PTPRG: variants seen among roughly 807,000 people sequenced by gnomAD.
The protein encoded by PTPRG is receptor-type tyrosine-protein phosphatase gamma.
A neutral mutation model predicts 165.3 loss-of-function variants in PTPRG; 102 were observed. That is an observed-to-expected ratio of 0.62 (90% CI 0.53 to 0.73). The LOEUF is 0.73. Ranked by LOEUF, PTPRG falls within the 30% of genes least tolerant of loss-of-function variation. The pLI is 0.00. For missense variants in PTPRG, 1,866 were observed against 1,861.4 expected (o/e 1.00, Z -0.05); for synonymous variants, 675 against 669.5 (o/e 1.01, Z -0.13).
intron 3 of PTPRG, among the ~76,000 whole-genome samples, chr3:61,994,015 A>G (rs1461092965): frequency 6.6e-6 from 1 of 152,230 alleles, no homozygotes; most frequent in African/African-American, 2.4e-5. Flanking sequence ...CCACTTCTCG[A>G]AAGTTGTCTA....
At chr3:61,906,214 A>C (rs1237593431) in intron 2 of PTPRG, among the ~76,000 whole-genome samples, 1 of 151,346 alleles carries the variant, frequency 6.6e-6, no homozygotes, top group East Asian at 1.9e-4. Context: ...CAGCACTTTG[A>C]GAGGCTGAGG....
rs181290919 is a variant in PTPRG, at chr3:62,241,646, A to G, written c.2376-2161A>G. Among the ~76,000 whole-genome samples, 28 of 152,154 alleles carry G rather than the reference A, an allele frequency of 1.8e-4. No homozygotes were observed. In the East Asian group the frequency reaches 4.8e-3, roughly 26 times the overall value. On this transcript the variant is annotated intron_variant, in intron 14 of 29. Transcript: ENST00000474889. ...TCTGCCTGTCTTGTAGGGAAAAAAA[A>G]ATCTACAATATAGTATATATATATA...
At chr3:62,184,578 G>C (rs1044416373) in intron 8 of PTPRG, among the ~76,000 whole-genome samples, 12 of 152,182 alleles carry the variant, frequency 7.9e-5, no homozygotes, top group African/African-American at 2.9e-4. Context: ...TCTTCCACCT[G>C]ACTGGTTCCC....
chr3:62,271,600 T>G lies in PTPRG; in HGVS notation c.3182+45T>G, dbSNP rs1419397747. 2 of 1,554,068 alleles carry G rather than the reference T, an allele frequency of 1.3e-6. No homozygotes were observed. Among genetic ancestry groups the G allele is most frequent in the African/African-American group, 2.7e-5 (2 of 73,384 alleles). On this transcript the variant is annotated intron_variant, in intron 21 of 29. Transcript: ENST00000474889. The surrounding 1 kb of genome is among the most constrained non-coding windows in gnomAD (Gnocchi z 4.1). ...ATGTGAAATAGATGGGGCAGGGGAC[T>G]TAGGCCTCAGTGACCTTGGACCACA...
At chr3:61,994,538 A>C (rs979419026) in intron 3 of PTPRG, among the ~76,000 whole-genome samples, 1 of 152,184 alleles carries the variant, frequency 6.6e-6, no homozygotes, top group African/African-American at 2.4e-5. Context: ...AATCAACGGG[A>C]GGGAAACTAT....
At chr3:61,930,369 G>A (rs931524241) in intron 2 of PTPRG, among the ~76,000 whole-genome samples, 10 of 152,168 alleles carry the variant, frequency 6.6e-5, no homozygotes, top group Admixed American at 2.6e-4. Context: ...ACAATTCCAC[G>A]TGGAAGAATG....
intron 1 of PTPRG, among the ~76,000 whole-genome samples, chr3:61,583,752 C>A (rs1183532473): frequency 6.6e-6 from 1 of 152,156 alleles, no homozygotes; most frequent in Non-Finnish European, 1.5e-5. Context: ...ACATCCTCAT[C>A]TTTCTCAATT....
At chr3:61,801,115 C>T (rs750401535) in intron 2 of PTPRG, among the ~76,000 whole-genome samples, 4 of 152,122 alleles carry the variant, frequency 2.6e-5, no homozygotes, top group Non-Finnish European at 4.4e-5. Context: ...GCTGCTTCTG[C>T]AAAACAGATG....
At chr3:61,807,826 C>G (rs917630628) in intron 2 of PTPRG, among the ~76,000 whole-genome samples, 2 of 152,098 alleles carry the variant, frequency 1.3e-5, no homozygotes, top group African/African-American at 4.8e-5. Flanking sequence ...AAGCAAAGCC[C>G]TTCCTTTCCC....
intron 13 of PTPRG, among the ~76,000 whole-genome samples, chr3:62,221,747 G>A (rs1700656469): frequency 1.3e-5 from 2 of 152,314 alleles, no homozygotes; most frequent in Non-Finnish European, 2.9e-5. Context: ...CACTGTGGCA[G>A]CATTTTCTAC....
intron 2 of PTPRG, among the ~76,000 whole-genome samples, chr3:61,844,792 C>G (rs1482865837): frequency 6.6e-6 from 1 of 152,048 alleles, no homozygotes; most frequent in East Asian, 1.9e-4. Context: ...CATGAGCCAC[C>G]ACACCTGGCC....
chr3:61,938,872 C>T (rs549816040), intron 2 of PTPRG, among the ~76,000 whole-genome samples: 18 of 152,202 alleles, frequency 1.2e-4, no homozygotes, highest in Admixed American at 1.0e-3. Flanking sequence ...TAATTGGTTT[C>T]GAGATTTTTG....
chr3:61,812,599 C>T (rs904703066), intron 2 of PTPRG, among the ~76,000 whole-genome samples: 1 of 152,184 alleles, frequency 6.6e-6, no homozygotes, highest in Non-Finnish European at 1.5e-5. Flanking sequence ...TCAGATTCAT[C>T]CTATCTAGGT....
At chr3:62,173,353 C>G (rs1209061395) in intron 8 of PTPRG, among the ~76,000 whole-genome samples, 3 of 151,940 alleles carry the variant, frequency 2.0e-5, no homozygotes, top group African/African-American at 4.8e-5. Context: ...ACCAGTATAG[C>G]AGGAAGGCAC....
chr3:62,260,373 T>C (rs974858173), intron 16 of PTPRG, among the ~76,000 whole-genome samples: 2 of 152,202 alleles, frequency 1.3e-5, no homozygotes, highest in Non-Finnish European at 2.9e-5. Flanking sequence ...GGTCTTTAAG[T>C]GCTCTTTAAA....
intron 2 of PTPRG, among the ~76,000 whole-genome samples, chr3:61,752,592 A>T (rs868400333): frequency 6.6e-6 from 1 of 151,912 alleles, no homozygotes; most frequent in South Asian, 2.1e-4. Context: ...GGAGTTCGAG[A>T]CCTGCCAACA....
intron 6 of PTPRG, among the ~76,000 whole-genome samples, chr3:62,149,821 G>T (rs1384630595): frequency 6.6e-6 from 1 of 152,142 alleles, no homozygotes; most frequent in African/African-American, 2.4e-5. Context: ...TCATAATTCT[G>T]AGCGGGATTA....
Position 61,894,301 on chromosome 3 carries a change from C to CAAAAAAAAAAAAAA in PTPRG, c.191-95304_191-95291dup, listed in dbSNP as rs767479285. Among the ~76,000 whole-genome samples, 50 of 49,848 alleles carry CAAAAAAAAAAAAAA rather than the reference C, an allele frequency of 1.0e-3. 3 individuals are homozygous for CAAAAAAAAAAAAAA. The highest frequency in any genetic ancestry group is 2.8e-3 in the African/African-American group (43 of 15,098). The allele number at this position is 49,848 out of a possible 152,430, so 32.7% of individuals were successfully genotyped here. On this transcript the variant is annotated intron_variant, in intron 2 of 29. Transcript: ENST00000474889. Reference sequence around the variant, plus strand: ...CGGGCAACAGAGCAAGACTCTGTGTCAAAAAAAAAAAAAAAAAAAAAAAAA... The same window carrying CAAAAAAAAAAAAAA: ...CGGGCAACAGAGCAAGACTCTGTGTCAAAAAAAAAAAAAAAAAAAAAAAAAAAAAAAAAAAAAAA...
At chr3:61,826,190 T>C (rs906484687) in intron 2 of PTPRG, among the ~76,000 whole-genome samples, 1 of 152,198 alleles carries the variant, frequency 6.6e-6, no homozygotes, top group South Asian at 2.1e-4. Flanking sequence ...AGCCTCCTGA[T>C]TTGTTTCTCT....
Sources: allele counts gnomAD v4.1 joint callset (sites outside exome capture counted in the v4.1 genomes callset), GRCh38; gene constraint gnomAD v4.1.1; non-coding constraint Gnocchi (gnomAD v3.1); transcripts MANE v1.5; gene names NCBI Gene and HGNC (gene_info 2026-07-23, HGNC 2026-07-21).